The following ACBD6 variants were observed in gnomAD, a reference collection of about 807,000 sequenced individuals.
ACBD6 encodes acyl-CoA binding domain containing 6.
ACBD6 carries 28 observed loss-of-function variants against 37.2 expected under a neutral mutation model. The observed-to-expected ratio is 0.75, with a 90% CI of 0.56 to 1.03. The LOEUF (loss-of-function observed/expected upper bound fraction) is 1.03, where lower values mean the gene tolerates loss of function less well. Ranked by LOEUF, ACBD6 falls within the 50% of genes least tolerant of loss-of-function variation. The pLI, the probability that ACBD6 is intolerant of heterozygous loss-of-function variation, is 0.00. For synonymous variants in ACBD6, 113 were observed against 126.8 expected, an observed-to-expected ratio of 0.89 and a Z score of 0.73; for missense variants, 340 against 337.4, an observed-to-expected ratio of 1.01 and a Z score of -0.06.
At chr1:180,272,059 T>C in intron 13 of ACBD6, 1 of 1,533,864 alleles carries the variant, frequency 6.5e-7, no homozygotes, top group Non-Finnish European at 8.8e-7. Flanking sequence ...CCCCTGGGAA[T>C]CTGTAATCCC....
chr1:180,440,027 T>C (rs1439023141), intron 3 of ACBD6, among the ~76,000 whole-genome samples: 1 of 152,218 alleles, frequency 6.6e-6, no homozygotes, highest in Non-Finnish European at 1.5e-5. Flanking sequence ...TCCTTTCATG[T>C]GAAGTTCCTT....
At position 180,501,124 on chromosome 1, in the gene ACBD6, T is replaced by C. The variant is rs919902072; in HGVS notation, c.222+921A>G. 5.9e-5 allele frequency among the ~76,000 whole-genome samples: 9 copies of C among 152,320 alleles called. No individual in the cohort carries two copies. In the South Asian group the frequency reaches 1.9e-3, roughly 32 times the overall value. The stretch of plus-strand genomic sequence containing the variant: ...TACAATCCAGTTCTGACTGATGTAT[T>C]TGTATGACCCTAGGAAAGGTGCCTA... On this transcript the variant is annotated intron_variant, in intron 1 of 7. Coordinates refer to ENST00000367595, the MANE Select transcript of ACBD6 (RefSeq NM_032360.4).
At position 180,314,807 on chromosome 1, in the gene ACBD6, A is replaced by C. The variant is rs929412288; in HGVS notation, c.664-85T>G. 5 of 1,034,928 alleles carry C rather than the reference A, an allele frequency of 4.8e-6. No homozygotes were observed. The African/African-American group carries it at 6.3e-5, about 13-fold the overall frequency. The allele number at this position is 1,034,928 out of a possible 1,614,324, so 64.1% of individuals were successfully genotyped here. A position where few individuals can be genotyped will look rare whatever the true frequency, so the allele number is the denominator to read the frequency against. ...ACATAAACTGTAGCAAATTTATCTGATATACCAAAGTTCCATAGGTTTATC... is the reference window on the plus strand; with the variant it reads ...ACATAAACTGTAGCAAATTTATCTGCTATACCAAAGTTCCATAGGTTTATC... On this transcript the variant is annotated intron_variant, in intron 6 of 7. Transcript: ENST00000367595.
chr1:180,291,713 ATT>A (rs1387565352), intron 7 of ACBD6, among the ~76,000 whole-genome samples: 1 of 151,408 alleles, frequency 6.6e-6, no homozygotes, highest in Non-Finnish European at 1.5e-5. Context: ...AGTGCAATTT[ATT>A]TTTTCTTTTA....
At chr1:180,301,816 C>A (rs1317534624) in intron 7 of ACBD6, among the ~76,000 whole-genome samples, 1 of 152,110 alleles carries the variant, frequency 6.6e-6, no homozygotes, top group Non-Finnish European at 1.5e-5. Flanking sequence ...CATCACCTGG[C>A]ACTTTAAGCA....
intron 6 of ACBD6, among the ~76,000 whole-genome samples, chr1:180,337,237 C>G (rs557806138): frequency 6.6e-6 from 1 of 151,926 alleles, no homozygotes; most frequent in Non-Finnish European, 1.5e-5. Context: ...TGATGAACAT[C>G]GATGCAAAAA....
At chr1:180,396,543 G>C (rs1370083265) in intron 6 of ACBD6, among the ~76,000 whole-genome samples, 1 of 152,114 alleles carries the variant, frequency 6.6e-6, no homozygotes, top group African/African-American at 2.4e-5. Flanking sequence ...TGCAAATCAT[G>C]TATCTGATAA....
At chr1:180,490,003 A>G (rs151073650) in intron 3 of ACBD6, among the ~76,000 whole-genome samples, 3 of 152,330 alleles carry the variant, frequency 2.0e-5, no homozygotes, top group Admixed American at 6.5e-5. Flanking sequence ...TTACTAAAGT[A>G]CTGAAGGTAA....
In ACBD6 at chr1:180,385,896, G is replaced by A. The variant is rs549988788; in HGVS notation, c.663+11620C>T. Among the ~76,000 whole-genome samples the A allele has an allele frequency of 5.3e-5, 8 of 152,282 alleles. No homozygotes were observed. The South Asian group carries it at 6.2e-4, about 12-fold the overall frequency. ...AGTAAAAGGATAGAAAAGGCTGGGCGCAATGGCTCACACCTGTAATCCCAG... is the reference window on the plus strand; with the variant it reads ...AGTAAAAGGATAGAAAAGGCTGGGCACAATGGCTCACACCTGTAATCCCAG... On this transcript the variant is annotated intron_variant, in intron 6 of 7. Transcript: ENST00000367595.
chr1:180,380,069 C>T (rs1224532575), intron 6 of ACBD6, among the ~76,000 whole-genome samples: 7 of 152,066 alleles, frequency 4.6e-5, no homozygotes, highest in East Asian at 1.9e-4. Context: ...GAGACCAGCC[C>T]GGGCAATATG....
intron 7 of ACBD6, among the ~76,000 whole-genome samples, chr1:180,291,167 G>C (rs1211642417): frequency 1.3e-5 from 2 of 152,178 alleles, no homozygotes; most frequent in Non-Finnish European, 2.9e-5. Flanking sequence ...TTGGCATTAT[G>C]AACAGGGATC....
At chr1:180,409,622 A>G (rs1382424007) in intron 5 of ACBD6, among the ~76,000 whole-genome samples, 1 of 152,166 alleles carries the variant, frequency 6.6e-6, no homozygotes, top group Non-Finnish European at 1.5e-5. Context: ...ATTGTTTTGG[A>G]GTGCTACAAA....
intron 4 of ACBD6, among the ~76,000 whole-genome samples, chr1:180,417,536 CTG>C (rs1289795504): frequency 2.0e-5 from 3 of 152,184 alleles, no homozygotes; most frequent in African/African-American, 7.2e-5. Flanking sequence ...AACTATTAAT[CTG>C]TTTTTCTGGA....
chr1:180,314,702 A>G lies in ACBD6; in HGVS notation c.684T>C (p.Ala228=), dbSNP rs1359577976. Residue 228 remains alanine (A), a synonymous_variant, in exon 7 of 8, where the codon GCT becomes GCC. Transcript: ENST00000367595. Reference sequence around the variant, plus strand: ...TTAGAAACTTCTTACCATAATGTAGAGCTGTTTGGCCTTCATTGTCCTATA... The same window carrying G: ...TTAGAAACTTCTTACCATAATGTAGGGCTGTTTGGCCTTCATTGTCCTATA... ...INCQDNEGQT[A]LHYASACEFL... is the part of the protein sequence containing the mutation. The G allele has an allele frequency of 6.5e-7, 1 of 1,530,046 alleles. No homozygotes were observed. Among genetic ancestry groups the G allele is most frequent in the African/African-American group, 1.4e-5 (1 of 73,192 alleles). 94.8% of individuals were successfully genotyped at this position (1,530,046 alleles called of 1,614,324 possible).
At chr1:180,291,303 A>G (rs891244173) in intron 7 of ACBD6, among the ~76,000 whole-genome samples, 1 of 152,222 alleles carries the variant, frequency 6.6e-6, no homozygotes, top group Non-Finnish European at 1.5e-5. Context: ...CCAGGAAACT[A>G]CCAAACTTTT....
At chr1:180,500,108 T>C (rs1160038599) in intron 1 of ACBD6, among the ~76,000 whole-genome samples, 2 of 149,334 alleles carry the variant, frequency 1.3e-5, no homozygotes, top group Non-Finnish European at 1.5e-5. Context: ...AACAAGATCC[T>C]GTCTCTAAAA....
intron 4 of ACBD6, among the ~76,000 whole-genome samples, chr1:180,418,575 T>C (rs943658155): frequency 1.3e-5 from 2 of 149,928 alleles, no homozygotes; most frequent in Non-Finnish European, 1.5e-5. Flanking sequence ...TCCTGTCTCT[T>C]AAAAAAGAAA....
chr1:180,451,973 C>T (rs1649724730), intron 3 of ACBD6, among the ~76,000 whole-genome samples: 1 of 152,074 alleles, frequency 6.6e-6, no homozygotes, highest in Non-Finnish European at 1.5e-5. Context: ...GGGGTCATTT[C>T]TATCTGAACA....
At chr1:180,288,193 A>G, downstream of ACBD6, 1 of 855,504 alleles carries the variant, frequency 1.2e-6, no homozygotes, top group Admixed American at 2.3e-5. Flanking sequence ...ACTGCCTAGA[A>G]TGTATGCAAG....
Sources: allele counts gnomAD v4.1 joint callset (sites outside exome capture counted in the v4.1 genomes callset), GRCh38; gene constraint gnomAD v4.1.1; transcripts MANE v1.5; gene names NCBI Gene and HGNC (gene_info 2026-07-23, HGNC 2026-07-21).